Variants in LRTM1 observed in about 807,000 individuals in gnomAD.
The protein encoded by LRTM1 is leucine-rich repeat and transmembrane domain-containing protein 1.
A neutral mutation model predicts 32.4 loss-of-function variants in LRTM1; 38 were observed. The ratio of observed to expected loss-of-function variants is 1.17; its 90% confidence interval spans 0.91 to 1.54. The LOEUF (loss-of-function observed/expected upper bound fraction) is 1.54, where lower values mean the gene tolerates loss of function less well. Among genes scored for constraint, LRTM1 ranks in the 40% most tolerant of loss-of-function variants. The pLI, the probability that LRTM1 is intolerant of heterozygous loss-of-function variation, is 0.00. For missense variants in LRTM1, 466 were observed against 415.4 expected (o/e 1.12, Z -1.06); for synonymous variants, 186 against 169.9 (o/e 1.09, Z -0.74).
At chr3:54,919,909 T>C (rs1700786510) in intron 2 of LRTM1, among the ~76,000 whole-genome samples, 2 of 152,314 alleles carry the variant, frequency 1.3e-5, no homozygotes, top group South Asian at 4.2e-4. Context: ...CTACACTCGC[T>C]GCCTCGCCAC....
At chr3:54,919,827 A>T (rs1031965602) in intron 2 of LRTM1, among the ~76,000 whole-genome samples, 9 of 152,188 alleles carry the variant, frequency 5.9e-5, no homozygotes, top group African/African-American at 2.2e-4. Context: ...TCTTGTCCAG[A>T]CTCACAGAGG....
chr3:54,924,689 C>T lies in LRTM1; in HGVS notation c.534G>A (p.Lys178=), dbSNP rs751473242. 5.6e-6 allele frequency: 9 copies of T among 1,613,964 alleles called. No homozygotes were observed. The Admixed American group carries it at 1.5e-4, about 27-fold the overall frequency. The stretch of plus-strand genomic sequence containing the variant: ...GGCAATTGCATTTCCAGAGGTTGTC[C>T]TTGAGAAGTAAAAGCCTCACACTGG... ...SMPSVRLLLL[K]DNLWKCNCHL... is the part of the protein sequence containing the mutation. Residue 178 remains lysine (K), a synonymous_variant, in exon 2 of 3, where the codon AAG becomes AAA. Transcript: ENST00000273286.
intron 2 of LRTM1, among the ~76,000 whole-genome samples, chr3:54,923,194 A>C (rs1323214821): frequency 1.1e-4 from 16 of 152,098 alleles, no homozygotes; most frequent in Non-Finnish European, 2.9e-5. Flanking sequence ...TCTCACTTAA[A>C]GTCCAAGCAT....
chr3:54,960,450 A>G (rs978163819), intron 1 of LRTM1, among the ~76,000 whole-genome samples: 4 of 152,232 alleles, frequency 2.6e-5, no homozygotes, highest in African/African-American at 4.8e-5. Flanking sequence ...CACTTGCACT[A>G]GGCTAAAATA....
intron 1 of LRTM1, chr3:54,966,893 C>A (rs1702165515): frequency 6.6e-6 from 1 of 152,198 alleles, no homozygotes; most frequent in East Asian, 1.9e-4. Flanking sequence ...ACTATAATAT[C>A]ACTTGAAAGT....
chr3:54,943,102 T>G (rs116484004), intron 1 of LRTM1, among the ~76,000 whole-genome samples: 3,411 of 151,952 alleles, frequency 0.022, 123 homozygotes, highest in African/African-American at 0.075. Context: ...CTAGGGAGGT[T>G]GAGGCAAGAG....
At chr3:54,953,093 T>C (rs1701798218) in intron 1 of LRTM1, among the ~76,000 whole-genome samples, 1 of 152,220 alleles carries the variant, frequency 6.6e-6, no homozygotes, top group African/African-American at 2.4e-5. Context: ...ATGCATGTAT[T>C]TAATGTACAT....
chr3:54,966,425 A>G (rs957851590), intron 1 of LRTM1, among the ~76,000 whole-genome samples: 4 of 152,232 alleles, frequency 2.6e-5, no homozygotes, highest in Non-Finnish European at 5.9e-5. Context: ...TGTGTTGTGT[A>G]GTCTGGCCAC....
chr3:54,928,928 G>A (rs866422707), upstream of LRTM1, among the ~76,000 whole-genome samples: 4 of 152,080 alleles, frequency 2.6e-5, no homozygotes, highest in East Asian at 3.9e-4. Context: ...GACTGGAACC[G>A]TTTCTTTGAA....
chr3:54,926,660 C>T (rs145237235), intron 1 of LRTM1, among the ~76,000 whole-genome samples: 5 of 152,288 alleles, frequency 3.3e-5, no homozygotes, highest in African/African-American at 1.2e-4. Context: ...CACATGGATA[C>T]GTGGAAAGCT....
At chr3:54,920,272 A>G (rs1002846164) in intron 2 of LRTM1, among the ~76,000 whole-genome samples, 5 of 152,224 alleles carry the variant, frequency 3.3e-5, no homozygotes, top group Admixed American at 6.5e-5. Context: ...AAGATAAGTC[A>G]TAAGTGGCCC....
intron 1 of LRTM1, among the ~76,000 whole-genome samples, chr3:54,966,333 G>A (rs1254598285): frequency 6.6e-6 from 1 of 152,174 alleles, no homozygotes; most frequent in East Asian, 1.9e-4. Context: ...TATTTGAAAT[G>A]CAGTCAACTA....
intron 2 of LRTM1, among the ~76,000 whole-genome samples, chr3:54,921,736 C>T (rs536419431): frequency 1.3e-5 from 2 of 152,118 alleles, no homozygotes; most frequent in African/African-American, 2.4e-5. Context: ...ATCACAAGCT[C>T]GAGGGGTCTT....
chr3:54,922,541 A>G (rs1398512235), intron 2 of LRTM1, among the ~76,000 whole-genome samples: 1 of 152,034 alleles, frequency 6.6e-6, no homozygotes, highest in African/African-American at 2.4e-5. Flanking sequence ...TTGATTATGT[A>G]ATTTACTATT....
intron 1 of LRTM1, among the ~76,000 whole-genome samples, chr3:54,944,331 A>G (rs890732014): frequency 2.6e-5 from 4 of 151,924 alleles, no homozygotes; most frequent in African/African-American, 7.3e-5. Flanking sequence ...TCTTTTCCCA[A>G]CATATATCTT....
chr3:54,940,515 G>A (rs536666493), intron 1 of LRTM1, among the ~76,000 whole-genome samples: 7 of 152,252 alleles, frequency 4.6e-5, no homozygotes, highest in African/African-American at 1.7e-4. Flanking sequence ...TTTATTTGCT[G>A]TCAGGGTGAA....
upstream of LRTM1, among the ~76,000 whole-genome samples, chr3:54,931,654 C>T (rs1701194635): frequency 6.6e-6 from 1 of 152,120 alleles, no homozygotes; most frequent in Non-Finnish European, 1.5e-5. Context: ...GCAGATGCAC[C>T]CGTAGAGTAA....
At chr3:54,945,722 G>C (rs886213126) in intron 1 of LRTM1, among the ~76,000 whole-genome samples, 1 of 152,168 alleles carries the variant, frequency 6.6e-6, no homozygotes, top group East Asian at 1.9e-4. Flanking sequence ...TACCCCATTA[G>C]GTGTCTATAG....
upstream of LRTM1, among the ~76,000 whole-genome samples, chr3:54,931,799 A>G (rs1289644118): frequency 6.6e-6 from 1 of 152,244 alleles, no homozygotes; most frequent in East Asian, 1.9e-4. Context: ...ATGAAAAATC[A>G]ATGATTATTA....
Sources: gnomAD v4.1 joint callset for allele counts (sites outside exome capture counted in the v4.1 genomes callset) on GRCh38, gnomAD v4.1.1 for gene constraint, MANE v1.5 for transcripts, NCBI Gene and HGNC (gene_info 2026-07-23, HGNC 2026-07-21) for gene names.